SVIL: variants seen among roughly 807,000 people sequenced by gnomAD.
SVIL encodes supervillin.
A neutral mutation model predicts 240.4 loss-of-function variants in SVIL; 101 were observed. That is an observed-to-expected ratio of 0.42 (90% CI 0.36 to 0.50). The LOEUF (loss-of-function observed/expected upper bound fraction) is 0.50. SVIL is among the 20% of genes least tolerant of loss of function. SVIL has a pLI of 0.01. For synonymous variants in SVIL, 999 were observed against 1,100.0 expected (o/e 0.91, Z 1.82); for missense variants, 2,512 against 2,818.7 (o/e 0.89, Z 2.46).
chr10:29,683,812 C>A (rs1258943514), intron 2 of SVIL, among the ~76,000 whole-genome samples: 1 of 152,072 alleles, frequency 6.6e-6, no homozygotes, highest in Non-Finnish European at 1.5e-5. Context: ...CTCTGGGCTC[C>A]CCCAACTTGC....
chr10:29,540,732 C>A (rs1952085438), intron 6 of SVIL, among the ~76,000 whole-genome samples: 1 of 152,242 alleles, frequency 6.6e-6, no homozygotes, highest in African/African-American at 2.4e-5. Flanking sequence ...GTCACAGCCA[C>A]AACCCTGACT....
chr10:29,682,311 G>A (rs1960719430), intron 2 of SVIL, among the ~76,000 whole-genome samples: 1 of 152,152 alleles, frequency 6.6e-6, no homozygotes, highest in African/African-American at 2.4e-5. Flanking sequence ...TGCTGCGTCA[G>A]CCCAATGATG....
intron 1 of SVIL, among the ~76,000 whole-genome samples, chr10:29,731,366 A>T (rs1485382433): frequency 6.6e-6 from 1 of 152,210 alleles, no homozygotes; most frequent in Admixed American, 6.5e-5. Context: ...AAGTTTTCTC[A>T]TTGATTAAAC....
At chr10:29,726,286 T>C (rs1964285789) in intron 1 of SVIL, among the ~76,000 whole-genome samples, 1 of 152,124 alleles carries the variant, frequency 6.6e-6, no homozygotes, top group African/African-American at 2.4e-5. Flanking sequence ...TGTGCAGAGA[T>C]AGGGATGGTT....
At chr10:29,467,679 C>G in intron 33 of SVIL, 63 bp downstream of exon 33, 1 of 1,600,608 alleles carries the variant, frequency 6.2e-7, no homozygotes, top group Non-Finnish European at 8.5e-7. Flanking sequence ...GATAACAGAG[C>G]AAGACTCTTG....
chr10:29,613,914 T>G (rs1477259551), intron 1 of SVIL, among the ~76,000 whole-genome samples: 2 of 152,180 alleles, frequency 1.3e-5, no homozygotes, highest in African/African-American at 4.8e-5. Flanking sequence ...AACGAACTCA[T>G]CAGTAAGAAA....
intron 23 of SVIL, chr10:29,487,812 T>G (rs536288484): frequency 0.081 from 12,397 of 152,968 alleles, 520 homozygotes; most frequent in Admixed American, 0.12. Context: ...TAAATATTTG[T>G]TGATTTTGAG....
At chr10:29,465,818 A>G (rs1320055979) in intron 33 of SVIL, 68 bp from the exon 34 acceptor site, 4 of 1,532,174 alleles carry the variant, frequency 2.6e-6, no homozygotes, top group Non-Finnish European at 3.5e-6. Context: ...ATGAAGAATG[A>G]ATGTAAAATA....
At chr10:29,578,837 C>T (rs1955815000) in intron 1 of SVIL, among the ~76,000 whole-genome samples, 1 of 152,172 alleles carries the variant, frequency 6.6e-6, no homozygotes, top group Non-Finnish European at 1.5e-5. Context: ...CCATTCTTAG[C>T]CAACCACATT....
intron 1 of SVIL, among the ~76,000 whole-genome samples, chr10:29,625,410 T>C (rs1001841303): frequency 1.1e-4 from 17 of 152,162 alleles, no homozygotes; most frequent in Non-Finnish European, 2.2e-4. Context: ...ATTTTAAAAA[T>C]AGAGAGAGAT....
At chr10:29,632,960 G>A (rs1452880135) in intron 1 of SVIL, among the ~76,000 whole-genome samples, 1 of 152,190 alleles carries the variant, frequency 6.6e-6, no homozygotes, top group African/African-American at 2.4e-5. Flanking sequence ...GGTGCCGGGT[G>A]CAGGGGCTCA....
rs140619814 is a variant in SVIL at position 29,480,627 on chromosome 10, C to T, written c.5287G>A (p.Asp1763Asn). 6.2e-7 allele frequency: 1 copy of T among 1,614,178 alleles called. No homozygotes were observed. Residue 1763 changes from aspartate to asparagine, a missense_variant, in exon 29 of 38, where the codon GAC (aspartate) becomes AAC (asparagine). Asp to Asn is a conservative substitution (Grantham distance 23). Coordinates refer to ENST00000355867, the MANE Select transcript of SVIL (RefSeq NM_021738.3). ...SVDVWHILEF[D>N]YSRLPKQSIG... The stretch of plus-strand genomic sequence containing the variant: ...CTTTGTTTGGGGAGCCTGCTATAGT[C>T]GAATTCCAGGATGTGCCAGACATCC...
intron 6 of SVIL, among the ~76,000 whole-genome samples, chr10:29,537,212 A>C (rs950195474): frequency 3.9e-5 from 6 of 152,242 alleles, no homozygotes; most frequent in African/African-American, 1.2e-4. Flanking sequence ...TGTGACCAAC[A>C]CAAGAGTTAC....
intron 1 of SVIL, among the ~76,000 whole-genome samples, chr10:29,700,525 C>T (rs1564775828): frequency 7.4e-6 from 1 of 135,392 alleles, no homozygotes; most frequent in Non-Finnish European, 1.5e-5. Flanking sequence ...GCCTGGAGTG[C>T]AGTAGTGCGA....
intron 1 of SVIL, among the ~76,000 whole-genome samples, chr10:29,698,572 T>G (rs1589536256): frequency 2.7e-5 from 4 of 150,432 alleles, no homozygotes; most frequent in Admixed American, 2.7e-4. Context: ...TTCAGTGTAC[T>G]GGAAACTTTC....
chr10:29,468,464 T>C (rs1398454756), intron 32 of SVIL, among the ~76,000 whole-genome samples: 1 of 149,930 alleles, frequency 6.7e-6, no homozygotes, highest in East Asian at 2.0e-4. Context: ...TCTAGTAGAG[T>C]TGCTAGTCAT....
rs751557838 is a variant in SVIL at position 29,531,998 on chromosome 10, C to G, written c.2009+4G>C. On this transcript the variant is annotated splice_donor_region_variant and intron_variant, in intron 9 of 37. Coordinates refer to ENST00000355867, the MANE Select transcript of SVIL (RefSeq NM_021738.3). ...ATGAGGAAACTGCGCATACGCATGC[C>G]TACCTATCCGATTCCTTTCGTTCTG... The G allele has an allele frequency of 1.2e-6, 2 of 1,614,124 alleles. No homozygotes were observed. The highest frequency in any genetic ancestry group is 3.3e-5 in the Admixed American group (2 of 60,026).
intron 2 of SVIL, among the ~76,000 whole-genome samples, chr10:29,670,091 G>C (rs574609195): frequency 1.3e-5 from 2 of 151,946 alleles, no homozygotes; most frequent in Non-Finnish European, 2.9e-5. Flanking sequence ...CTCCAGCCTG[G>C]GAGACAGGGT....
intron 22 of SVIL, 104 bp from the exon 23 acceptor site, chr10:29,488,860 A>C: frequency 7.7e-7 from 1 of 1,293,936 alleles, no homozygotes; most frequent in Non-Finnish European, 1.0e-6. Context: ...TTGTCTTTTC[A>C]AGTTAATCCC....
Sources: allele counts gnomAD v4.1 joint callset (sites outside exome capture counted in the v4.1 genomes callset), GRCh38; gene constraint gnomAD v4.1.1; transcripts MANE v1.5; gene names NCBI Gene and HGNC (gene_info 2026-07-23, HGNC 2026-07-21).